RASA3: variants seen among roughly 807,000 people sequenced by gnomAD.
RASA3 encodes the protein RAS p21 protein activator 3.
A neutral mutation model predicts 110.0 loss-of-function variants in RASA3; 73 were observed. The ratio of observed to expected loss-of-function variants is 0.66; its 90% CI spans 0.55 to 0.81. RASA3 has a LOEUF of 0.81. Among genes scored for constraint, RASA3 ranks in the 30% least tolerant of loss-of-function variants. The probability of loss-of-function intolerance (pLI) is 0.00; values close to 1 mark genes in which losing one functional copy is unlikely to be tolerated. For synonymous variants in RASA3, 500 were observed against 451.4 expected (o/e 1.11, Z -1.37); for missense variants, 976 against 1,113.2 (o/e 0.88, Z 1.75).
intron 1 of RASA3, among the ~76,000 whole-genome samples, chr13:114,113,105 G>A (rs12585697): frequency 0.027 from 4,046 of 152,302 alleles, 198 homozygotes; most frequent in Admixed American, 0.1. Flanking sequence ...GGGGATGCTC[G>A]GCCATAAGCC....
At chr13:114,119,696 T>C (rs1346764388) in intron 1 of RASA3, among the ~76,000 whole-genome samples, 1 of 4,262 alleles carries the variant, frequency 2.3e-4, no homozygotes, top group Non-Finnish European at 4.7e-4. Context: ...GGGCCCCCCC[T>C]CCCTCTCTCC....
chr13:114,061,983 C>A (rs1020498821), intron 2 of RASA3, among the ~76,000 whole-genome samples: 1 of 152,130 alleles, frequency 6.6e-6, no homozygotes, highest in Non-Finnish European at 1.5e-5. Flanking sequence ...GGGCAGGGGG[C>A]TCCAGATCCC....
At chr13:114,016,430 C>T (rs1051755638) in intron 12 of RASA3, among the ~76,000 whole-genome samples, 159 bp from the exon 13 acceptor site, 10 of 152,214 alleles carry the variant, frequency 6.6e-5, no homozygotes, top group Non-Finnish European at 2.9e-5. Context: ...CGGAGGGGCA[C>T]GGTGAGGCCG....
chr13:114,120,571 CT>C lies in RASA3; in HGVS notation c.55+11863del, dbSNP rs529548631. On this transcript the variant is annotated intron_variant, in intron 1 of 23. Coordinates refer to ENST00000334062, the MANE Select transcript of RASA3 (RefSeq NM_007368.4). ...CTCCAGCCAGGCGTCGATCAGGGCC[CT>C]CCCTCCTCTCTCCAGCCAGACGTCG... Among the ~76,000 whole-genome samples, 46 of 97,392 alleles carry C rather than the reference CT, an allele frequency of 4.7e-4. 6 individuals are homozygous for C. The highest frequency in any genetic ancestry group is 1.3e-3 in the South Asian group (4 of 3,018). The allele number at this position is 97,392 out of a possible 152,430, so 63.9% of individuals were successfully genotyped here. A position where few individuals can be genotyped will look rare whatever the true frequency, so the allele number is the denominator to read the frequency against.
intron 22 of RASA3, among the ~76,000 whole-genome samples, chr13:113,991,886 A>G (rs2053123377): frequency 6.6e-6 from 1 of 152,200 alleles, no homozygotes; most frequent in African/African-American, 2.4e-5. Context: ...GTCCCCACAC[A>G]CACATGCTCA....
chr13:114,109,123 G>T (rs2080180988), intron 1 of RASA3, among the ~76,000 whole-genome samples: 2 of 152,158 alleles, frequency 1.3e-5, no homozygotes, highest in African/African-American at 2.4e-5. Flanking sequence ...AGGGCAGGCG[G>T]CAGGGTCCTG....
At chr13:114,026,728 G>C (rs573814567) in intron 7 of RASA3, among the ~76,000 whole-genome samples, 19 of 152,340 alleles carry the variant, frequency 1.2e-4, no homozygotes, top group African/African-American at 4.6e-4. Context: ...TCCAGGGCCT[G>C]TGCACCGGAA....
intron 22 of RASA3, among the ~76,000 whole-genome samples, chr13:113,982,270 C>A (rs1429799604): frequency 6.6e-6 from 1 of 152,228 alleles, no homozygotes; most frequent in Non-Finnish European, 1.5e-5. Flanking sequence ...CTGGGGCAGC[C>A]CTGAAGAGTC....
chr13:114,117,928 CAT>C (rs753293933), intron 1 of RASA3, among the ~76,000 whole-genome samples: 3 of 151,202 alleles, frequency 2.0e-5, no homozygotes, highest in African/African-American at 7.3e-5. Flanking sequence ...CACCTGTAAG[CAT>C]GTGTGTGAGG....
intron 1 of RASA3, among the ~76,000 whole-genome samples, chr13:114,101,949 ATCAG>A (rs772641403): frequency 1.5e-4 from 23 of 152,178 alleles, no homozygotes; most frequent in Non-Finnish European, 2.8e-4. Flanking sequence ...GGGCCCTCTC[ATCAG>A]AAAGTGGGGA....
intron 1 of RASA3, among the ~76,000 whole-genome samples, chr13:114,122,133 C>T (rs2080387076): frequency 6.6e-6 from 1 of 152,230 alleles, no homozygotes. Flanking sequence ...GGCTGCGCAG[C>T]CGGCCACGGC....
At chr13:113,992,367 T>C (rs1022976991) in intron 22 of RASA3, 118 bp downstream of exon 22, 2 of 721,572 alleles carry the variant, frequency 2.8e-6, no homozygotes, top group African/African-American at 3.5e-5. Context: ...CAACTACATG[T>C]AGCCCACACT....
chr13:114,102,230 C>T (rs2080069326), intron 1 of RASA3, among the ~76,000 whole-genome samples: 2 of 151,818 alleles, frequency 1.3e-5, no homozygotes, highest in South Asian at 2.1e-4. Flanking sequence ...GGTAGGCGGG[C>T]AGCAGGTGGG....
rs2053144498 is a variant in RASA3, at chr13:113,992,575, T to C, written c.2155A>G (p.Asn719Asp). 1 of 1,613,174 alleles carries C rather than the reference T, an allele frequency of 6.2e-7. No homozygotes were observed. Residue 719 changes from asparagine (N) to aspartate (D), a missense_variant, in exon 22 of 24, where the codon AAC becomes GAC. Asn to Asp is a conservative substitution (Grantham distance 23). This residue lies in a region of RASA3 where 132 missense variants were observed against 152.8 expected (regional missense o/e 0.86). Coordinates refer to ENST00000334062, the MANE Select transcript of RASA3 (RefSeq NM_007368.4). ...TCCCCATCAATGTCCAGCTGGATGT[T>C]GGCTGGGAGGCCGCTGTCCAGACAC... is the stretch of plus-strand genomic sequence containing the variant. ...CSPCTGGLPA[N>D]IQLDIDGDRE...
Position 114,011,305 on chromosome 13 carries a change from T to C in RASA3, c.1513-57A>G. ...CAGCATCACAGAAATGCTGTGACTG[T>C]CCCAGATCGAGGGGACGAAATGCAG... On this transcript the variant is annotated intron_variant, in intron 15 of 23. Coordinates refer to ENST00000334062, the MANE Select transcript of RASA3 (RefSeq NM_007368.4). This position sits in a 1 kb window ranked among gnomAD's most constrained non-coding sequence, Gnocchi z 4.8. The C allele has an allele frequency of 6.8e-7, 1 of 1,464,010 alleles. No individual in the cohort carries two copies. The highest frequency in any genetic ancestry group is 1.8e-5 in the Admixed American group (1 of 55,390). 90.7% of individuals were successfully genotyped at this position (1,464,010 alleles called of 1,614,324 possible). A position where few individuals can be genotyped will look rare whatever the true frequency, so the allele number is the denominator to read the frequency against.
At chr13:113,983,991 G>A (rs148566742) in intron 22 of RASA3, among the ~76,000 whole-genome samples, 3 of 94,084 alleles carry the variant, frequency 3.2e-5, no homozygotes, top group African/African-American at 9.8e-5. Flanking sequence ...AAAAAAAATC[G>A]CAATAAGGAA....
chr13:114,027,344 C>T lies in RASA3; in HGVS notation c.603+45G>A, dbSNP rs148999436. On this transcript the variant is annotated intron_variant, in intron 7 of 23. Transcript: ENST00000334062. The stretch of plus-strand genomic sequence containing the variant: ...ATCCAGACTTTCTGCCAACGTGTCT[C>T]GGGTGCAGAGTTTCCACTTAACGTT... 31 of 1,440,806 alleles carry T rather than the reference C, an allele frequency of 2.2e-5. No individual in the cohort carries two copies. In the East Asian group the frequency reaches 3.4e-4, roughly 16 times the overall value. The allele number at this position is 1,440,806 out of a possible 1,614,324, so 89.3% of individuals were successfully genotyped here.
chr13:113,980,092 CGT>C (rs199524162), intron 23 of RASA3, among the ~76,000 whole-genome samples: 6,468 of 144,892 alleles, frequency 0.045, 539 homozygotes, highest in African/African-American at 0.16. Flanking sequence ...CCACCTCCCA[CGT>C]GTGTGCACCC....
rs192024505 is a variant in RASA3, at chr13:114,110,907, G to A, written c.55+21528C>T. ...GGGGCAGCAGAGTGAGGGTCTGGCC[G>A]TGGGCCCCGGTCGGGGGCTGAGCCA... On this transcript the variant is annotated intron_variant, in intron 1 of 23. Transcript: ENST00000334062. Among the ~76,000 whole-genome samples the A allele has an allele frequency of 1.1e-3, 163 of 152,316 alleles. 1 individual carries two copies. Among genetic ancestry groups the A allele is most frequent in the African/African-American group, 3.8e-3 (159 of 41,578 alleles).
Sources: allele counts gnomAD v4.1 joint callset (sites outside exome capture counted in the v4.1 genomes callset), GRCh38; gene constraint gnomAD v4.1.1; regional missense constraint gnomAD v4.1.1; non-coding constraint Gnocchi (gnomAD v3.1); transcripts MANE v1.5; gene names NCBI Gene and HGNC (gene_info 2026-07-23, HGNC 2026-07-21).